NPFFR2: variants seen among roughly 807,000 people sequenced by gnomAD.
The protein encoded by NPFFR2 is G-protein coupled receptor 74.
A neutral mutation model predicts 13.1 loss-of-function variants in NPFFR2; 15 were observed. That is an observed-to-expected ratio of 1.15 (90% confidence interval 0.77 to 1.76). The LOEUF (loss-of-function observed/expected upper bound fraction) is 1.76. NPFFR2 is among the 40% of genes most tolerant of loss of function. The probability of loss-of-function intolerance (pLI) is 0.00; values close to 1 mark genes in which losing one functional copy is unlikely to be tolerated. For missense variants in NPFFR2, 572 were observed against 503.5 expected, an observed-to-expected ratio of 1.14 and a Z score of -1.30; for synonymous variants, 190 against 175.7, an observed-to-expected ratio of 1.08 and a Z score of -0.65.
At chr4:72,068,608 A>C (rs1455704845) in intron 1 of NPFFR2, among the ~76,000 whole-genome samples, 4 of 152,208 alleles carry the variant, frequency 2.6e-5, no homozygotes, top group African/African-American at 9.6e-5. Context: ...TAGAACAGAC[A>C]GTGGCATGTC....
At chr4:72,038,399 G>A (rs1719098423) in intron 1 of NPFFR2, among the ~76,000 whole-genome samples, 1 of 152,128 alleles carries the variant, frequency 6.6e-6, no homozygotes, top group Non-Finnish European at 1.5e-5. Flanking sequence ...ACAGAGTCTA[G>A]TGCATAGTAG....
chr4:72,041,011 T>G (rs774137688), intron 1 of NPFFR2, among the ~76,000 whole-genome samples: 2 of 151,866 alleles, frequency 1.3e-5, no homozygotes, highest in Non-Finnish European at 2.9e-5. Flanking sequence ...TTTAACTTAT[T>G]TTATATTCAG....
At chr4:72,052,390 A>T (rs1336460513) in intron 1 of NPFFR2, among the ~76,000 whole-genome samples, 1 of 145,554 alleles carries the variant, frequency 6.9e-6, no homozygotes, top group African/African-American at 2.5e-5. Context: ...ACCAAAGACA[A>T]AAACCACATG....
At chr4:72,119,763 T>C (rs1231199934) in intron 1 of NPFFR2, among the ~76,000 whole-genome samples, 1 of 152,212 alleles carries the variant, frequency 6.6e-6, no homozygotes, top group Non-Finnish European at 1.5e-5. Flanking sequence ...ACTACACTTT[T>C]CCCATGGTCT....
chr4:72,090,855 A>G (rs977168814), intron 1 of NPFFR2, among the ~76,000 whole-genome samples: 1 of 152,078 alleles, frequency 6.6e-6, no homozygotes, highest in East Asian at 1.9e-4. Flanking sequence ...TTCCAGTACT[A>G]TGTGAAATAG....
intron 1 of NPFFR2, among the ~76,000 whole-genome samples, chr4:72,075,983 A>C (rs1453299392): frequency 6.1e-4 from 9 of 14,808 alleles, no homozygotes; most frequent in African/African-American, 7.4e-4. Context: ...ACATACACAC[A>C]CACACACACA....
intron 1 of NPFFR2, among the ~76,000 whole-genome samples, chr4:72,094,468 T>C (rs949450779): frequency 1.3e-5 from 2 of 152,068 alleles, no homozygotes; most frequent in Non-Finnish European, 2.9e-5. Context: ...AGAAAGACAA[T>C]CAGTGGAGGG....
intron 1 of NPFFR2, among the ~76,000 whole-genome samples, chr4:72,118,147 G>T (rs927392354): frequency 6.6e-6 from 1 of 152,168 alleles, no homozygotes; most frequent in Non-Finnish European, 1.5e-5. Context: ...TTGTAAGGTT[G>T]AAAATATGTG....
chr4:72,105,405 C>T (rs987417326), intron 1 of NPFFR2, among the ~76,000 whole-genome samples: 10 of 151,900 alleles, frequency 6.6e-5, no homozygotes, highest in Admixed American at 1.3e-4. Flanking sequence ...TTTCTATGCA[C>T]TCTGGAATAA....
Position 72,032,099 on chromosome 4 carries a change from G to A in NPFFR2, c.-109G>A. On this transcript the variant is annotated 5_prime_UTR_variant, in exon 1 of 4. Coordinates refer to ENST00000308744, the MANE Select transcript of NPFFR2 (RefSeq NM_004885.3). ...GACGTCGGCTGGGATTGAGCCGGCA[G>A]ACTGCGAAAAGTAGCTGGAGCCGGA... 4 of 1,614,154 alleles carry A rather than the reference G, an allele frequency of 2.5e-6. No individual in the cohort carries two copies. The East Asian group carries it at 6.7e-5, about 27-fold the overall frequency.
intron 1 of NPFFR2, among the ~76,000 whole-genome samples, chr4:72,109,011 A>C (rs1324309890): frequency 2.0e-5 from 3 of 152,038 alleles, no homozygotes; most frequent in African/African-American, 7.2e-5. Context: ...CAAACCCTCT[A>C]ATACACCTTG....
intron 1 of NPFFR2, among the ~76,000 whole-genome samples, chr4:72,049,655 A>G (rs1719483375): frequency 6.6e-6 from 1 of 152,072 alleles, no homozygotes; most frequent in African/African-American, 2.4e-5. Context: ...TCCACAGGCA[A>G]TGCAGTCTTA....
intron 1 of NPFFR2, among the ~76,000 whole-genome samples, chr4:72,059,430 A>G (rs548650830): frequency 1.3e-5 from 2 of 152,100 alleles, no homozygotes; most frequent in African/African-American, 4.8e-5. Context: ...AGGGTCTTCT[A>G]TACTATGGGA....
At chr4:72,120,101 C>T (rs138397676) in intron 1 of NPFFR2, among the ~76,000 whole-genome samples, 103 of 152,228 alleles carry the variant, frequency 6.8e-4, no homozygotes, top group African/African-American at 2.2e-3. Flanking sequence ...GGGGGAGGGA[C>T]GTCCACCATT....
chr4:72,036,605 T>A (rs901997764), intron 1 of NPFFR2, among the ~76,000 whole-genome samples: 2 of 145,758 alleles, frequency 1.4e-5, no homozygotes, highest in African/African-American at 2.6e-5. Context: ...TATATACATT[T>A]AAATATATAG....
At chr4:72,089,528 T>A (rs529775526) in intron 1 of NPFFR2, among the ~76,000 whole-genome samples, 5 of 152,136 alleles carry the variant, frequency 3.3e-5, no homozygotes, top group Admixed American at 1.3e-4. Context: ...TTGGCAGGAG[T>A]AAGATGGTAT....
At chr4:72,088,329 C>G (rs1387416412) in intron 1 of NPFFR2, among the ~76,000 whole-genome samples, 3 of 151,766 alleles carry the variant, frequency 2.0e-5, no homozygotes, top group Non-Finnish European at 4.4e-5. Flanking sequence ...CTGAGTGTCT[C>G]TAACATATTG....
intron 1 of NPFFR2, among the ~76,000 whole-genome samples, chr4:72,077,860 G>T (rs1720491373): frequency 6.6e-6 from 1 of 152,014 alleles, no homozygotes; most frequent in African/African-American, 2.4e-5. Flanking sequence ...GTAAAAAATA[G>T]ATTTGCCTCA....
At chr4:72,142,121 C>T (rs1389588227) in intron 3 of NPFFR2, among the ~76,000 whole-genome samples, 6 of 152,132 alleles carry the variant, frequency 3.9e-5, no homozygotes, top group Non-Finnish European at 1.5e-5. Flanking sequence ...GGTAGATCTT[C>T]CTCCATCCCT....
Sources: allele counts gnomAD v4.1 joint callset (sites outside exome capture counted in the v4.1 genomes callset), GRCh38; gene constraint gnomAD v4.1.1; transcripts MANE v1.5; gene names NCBI Gene and HGNC (gene_info 2026-07-23, HGNC 2026-07-21).